LRFN2: variants seen among roughly 807,000 people sequenced by gnomAD.
The protein encoded by LRFN2 is leucine rich repeat and fibronectin type III domain containing 2, also known as leucine-rich repeat and fibronectin type-III domain-containing protein 2.
Under a neutral mutation model 37.3 loss-of-function variants are expected in LRFN2, and 18 were observed. The ratio of observed to expected loss-of-function variants is 0.48; its 90% confidence interval spans 0.33 to 0.72. The LOEUF (loss-of-function observed/expected upper bound fraction) is 0.72. Among genes scored for constraint, LRFN2 ranks in the 30% least tolerant of loss-of-function variants. The pLI is 0.02. For missense variants in LRFN2, 1,006 were observed against 1,060.7 expected (o/e 0.95, Z 0.72); for synonymous variants, 556 against 466.6 (o/e 1.19, Z -2.47).
chr6:40,392,590 C>T lies in LRFN2; in HGVS notation c.1723G>A (p.Val575Met). The stretch of plus-strand genomic sequence containing the variant: ...TGGGCGCCGTTGGTCTGCGAGTACA[C>T]ATTGCTCACGGCCGCTGCCATCTTG... ...PSKMAAAVSNVYSQTNGAQPP... is the reference protein window; with the variant it reads ...PSKMAAAVSNMYSQTNGAQPP... The change falls in exon 3 of 3, where the codon GTG becomes ATG. Residue 575 changes from valine (V) to methionine (M), a missense_variant. Physicochemically the swap from Val to Met is conservative, Grantham distance 21. This residue lies in a region of LRFN2 where 398 missense variants were observed against 327.6 expected (regional missense o/e 1.21). Transcript: ENST00000338305. This position sits in a 1 kb window ranked among gnomAD's most constrained non-coding sequence, Gnocchi z 4.7. The T allele has an allele frequency of 6.2e-7, 1 of 1,608,420 alleles. No homozygotes were observed. The highest frequency in any genetic ancestry group is 8.5e-7 in the Non-Finnish European group (1 of 1,179,854).
chr6:40,556,889 C>G (rs1766901765), intron 1 of LRFN2, among the ~76,000 whole-genome samples: 1 of 152,116 alleles, frequency 6.6e-6, no homozygotes, highest in African/African-American at 2.4e-5. Context: ...CTTTCATCTA[C>G]CAAGACACAA....
At chr6:40,533,330 G>T (rs992462737) in intron 1 of LRFN2, among the ~76,000 whole-genome samples, 1 of 149,548 alleles carries the variant, frequency 6.7e-6, no homozygotes, top group Non-Finnish European at 1.5e-5. Flanking sequence ...GCTCTAAAAA[G>T]TATATGAGTG....
chr6:40,499,113 C>T (rs1000792263), intron 1 of LRFN2, among the ~76,000 whole-genome samples: 1 of 152,208 alleles, frequency 6.6e-6, no homozygotes, highest in African/African-American at 2.4e-5. Flanking sequence ...CTTTAAAGTT[C>T]AAAGTCAGAG....
chr6:40,418,642 A>G (rs1763148849), intron 2 of LRFN2, among the ~76,000 whole-genome samples: 1 of 152,176 alleles, frequency 6.6e-6, no homozygotes. Flanking sequence ...GAGGAAGCCC[A>G]AAGTCAGGAC....
intron 1 of LRFN2, among the ~76,000 whole-genome samples, chr6:40,530,412 T>C (rs1369427683): frequency 6.6e-6 from 1 of 152,170 alleles, no homozygotes; most frequent in Non-Finnish European, 1.5e-5. Flanking sequence ...AACTGAATAG[T>C]AGCTCATTGA....
At chr6:40,448,193 T>A (rs975086354) in intron 1 of LRFN2, among the ~76,000 whole-genome samples, 4 of 152,048 alleles carry the variant, frequency 2.6e-5, no homozygotes, top group Non-Finnish European at 5.9e-5. Context: ...GCTTGCTGAG[T>A]TGGGGAAGCA....
intron 1 of LRFN2, among the ~76,000 whole-genome samples, chr6:40,511,573 T>C (rs909362056): frequency 1.3e-5 from 2 of 152,172 alleles, no homozygotes; most frequent in Non-Finnish European, 2.9e-5. Flanking sequence ...TGTTTTGTCA[T>C]GTGCCACCCT....
chr6:40,481,759 T>C (rs1338340022), intron 1 of LRFN2, among the ~76,000 whole-genome samples: 3 of 152,074 alleles, frequency 2.0e-5, no homozygotes, highest in Non-Finnish European at 4.4e-5. Flanking sequence ...AGAAGGGCAG[T>C]GTTCAGATCT....
chr6:40,467,763 C>T (rs1449605535), intron 1 of LRFN2, among the ~76,000 whole-genome samples: 1 of 152,106 alleles, frequency 6.6e-6, no homozygotes, highest in Non-Finnish European at 1.5e-5. Context: ...GGAGATATAG[C>T]CTGTCTTCAG....
In LRFN2 at chr6:40,435,082, G is replaced by C. The variant is rs180980936; in HGVS notation, c.-18-1951C>G. Among the ~76,000 whole-genome samples the C allele has an allele frequency of 1.5e-3, 207 of 135,534 alleles. 4 individuals carry two copies. In the East Asian group the frequency reaches 0.036, roughly 23 times the overall value. The allele number at this position is 135,534 out of a possible 152,430, so 88.9% of individuals were successfully genotyped here. On this transcript the variant is annotated intron_variant, in intron 1 of 2. Coordinates refer to ENST00000338305, the MANE Select transcript of LRFN2 (RefSeq NM_020737.3). Reference sequence around the variant, plus strand: ...AGAGAGAGAGAGAGAGAGAGAGAGAGAGAGAGAGACAGAGAGATAATATAT... The same window carrying C: ...AGAGAGAGAGAGAGAGAGAGAGAGACAGAGAGAGACAGAGAGATAATATAT...
At chr6:40,427,031 A>C (rs1763369372) in intron 2 of LRFN2, among the ~76,000 whole-genome samples, 1 of 152,230 alleles carries the variant, frequency 6.6e-6, no homozygotes, top group Non-Finnish European at 1.5e-5. Context: ...GAACCTAGGC[A>C]CACAGAATTT....
intron 2 of LRFN2, among the ~76,000 whole-genome samples, chr6:40,412,560 A>G (rs938413152): frequency 7.9e-5 from 12 of 152,182 alleles, no homozygotes; most frequent in Admixed American, 7.9e-4. Flanking sequence ...CTAACAGGCT[A>G]TGAGACTGGG....
chr6:40,522,971 C>G (rs374737), intron 1 of LRFN2, among the ~76,000 whole-genome samples: 103,824 of 152,092 alleles, frequency 0.68, 36,870 homozygotes, highest in African/African-American at 0.88. Context: ...AAGGGAAGGA[C>G]AGACACACAG....
chr6:40,580,048 C>T (rs1767368028), intron 1 of LRFN2, among the ~76,000 whole-genome samples: 1 of 152,128 alleles, frequency 6.6e-6, no homozygotes, highest in Non-Finnish European at 1.5e-5. Flanking sequence ...GCTATAGCCT[C>T]AAGAGGTGAG....
intron 2 of LRFN2, among the ~76,000 whole-genome samples, chr6:40,394,278 A>G (rs1322813280): frequency 6.6e-6 from 1 of 152,014 alleles, no homozygotes; most frequent in Non-Finnish European, 1.5e-5. Context: ...GATTCCAGAG[A>G]TGATGCCTGT....
intron 1 of LRFN2, among the ~76,000 whole-genome samples, chr6:40,509,313 G>T (rs921284687): frequency 5.9e-5 from 9 of 152,258 alleles, no homozygotes; most frequent in African/African-American, 2.2e-4. Context: ...TGGGCTCTGT[G>T]TCTAGCAAGC....
At chr6:40,436,459 AAGAGTTTGCTGACCTCTGTTCTATAGGAT>A (rs1763677911) in intron 1 of LRFN2, among the ~76,000 whole-genome samples, 1 of 152,104 alleles carries the variant, frequency 6.6e-6, no homozygotes, top group Non-Finnish European at 1.5e-5. Context: ...CCTTTACAGA[AAGAGTTTGCTGACCTCTGTTCTATAGGAT>A]ATGTGTTTTT....
At chr6:40,510,904 C>T (rs1468690978) in intron 1 of LRFN2, among the ~76,000 whole-genome samples, 1 of 152,090 alleles carries the variant, frequency 6.6e-6, no homozygotes, top group African/African-American at 2.4e-5. Flanking sequence ...AATCCCTAGG[C>T]CAATGCTGGA....
intron 1 of LRFN2, among the ~76,000 whole-genome samples, chr6:40,573,575 A>G (rs1030310061): frequency 6.6e-6 from 1 of 152,230 alleles, no homozygotes; most frequent in African/African-American, 2.4e-5. Context: ...ATGGCAGTGG[A>G]TATCAGAAAC....
Sources: allele counts gnomAD v4.1 joint callset (sites outside exome capture counted in the v4.1 genomes callset), GRCh38; gene constraint gnomAD v4.1.1; regional missense constraint gnomAD v4.1.1; non-coding constraint Gnocchi (gnomAD v3.1); transcripts MANE v1.5; gene names NCBI Gene and HGNC (gene_info 2026-07-23, HGNC 2026-07-21).